Variants in ROBO1 observed in about 807,000 individuals in gnomAD.
ROBO1 encodes roundabout guidance receptor 1.
ROBO1 carries 149 observed loss-of-function variants against 195.9 expected under a neutral mutation model. The observed-to-expected ratio is 0.76, with a 90% confidence interval of 0.67 to 0.87. The LOEUF is 0.87. Among genes scored for constraint, ROBO1 ranks in the 40% least tolerant of loss-of-function variants. The pLI is 0.00. For missense variants in ROBO1, 1,933 were observed against 2,068.3 expected (o/e 0.93, Z 1.27); for synonymous variants, 816 against 733.2 (o/e 1.11, Z -1.82).
intron 2 of ROBO1, among the ~76,000 whole-genome samples, chr3:79,204,438 T>C (rs2081827761): frequency 6.6e-6 from 1 of 152,064 alleles, no homozygotes; most frequent in African/African-American, 2.4e-5. Context: ...TCTTTATTTA[T>C]CTATTCCCCA....
At chr3:78,974,594 T>C (rs2076845195) in intron 3 of ROBO1, among the ~76,000 whole-genome samples, 1 of 152,180 alleles carries the variant, frequency 6.6e-6, no homozygotes, top group Non-Finnish European at 1.5e-5. Context: ...TAGGCTACTC[T>C]TGTCACCAGC....
intron 3 of ROBO1, among the ~76,000 whole-genome samples, chr3:79,058,540 G>A (rs191667022): frequency 1.3e-5 from 2 of 152,108 alleles, no homozygotes; most frequent in East Asian, 3.9e-4. Context: ...CCCTCCCTCA[G>A]TATCAACGTA....
chr3:79,165,736 A>C (rs1377728018), intron 2 of ROBO1, among the ~76,000 whole-genome samples: 1 of 152,282 alleles, frequency 6.6e-6, no homozygotes, highest in Non-Finnish European at 1.5e-5. Context: ...CATATCACAT[A>C]ATCTATCGTG....
chr3:79,530,679 C>G (rs910791456), intron 2 of ROBO1, among the ~76,000 whole-genome samples: 2 of 151,798 alleles, frequency 1.3e-5, no homozygotes, highest in Non-Finnish European at 2.9e-5. Flanking sequence ...CTGACTTGGC[C>G]TCTACTCTAC....
chr3:79,212,121 A>G (rs2081975897), intron 2 of ROBO1, among the ~76,000 whole-genome samples: 1 of 152,214 alleles, frequency 6.6e-6, no homozygotes, highest in Non-Finnish European at 1.5e-5. Flanking sequence ...GCCTTTAAGC[A>G]GTTTTCCCGC....
At chr3:78,817,259 A>T (rs1304758475) in intron 4 of ROBO1, among the ~76,000 whole-genome samples, 1 of 152,194 alleles carries the variant, frequency 6.6e-6, no homozygotes, top group Admixed American at 6.5e-5. Flanking sequence ...TCAAGACAAG[A>T]CTGTCTACCA....
chr3:79,559,511 G>A (rs1942829076), intron 2 of ROBO1, among the ~76,000 whole-genome samples: 1 of 152,162 alleles, frequency 6.6e-6, no homozygotes, highest in African/African-American at 2.4e-5. Flanking sequence ...CTCAGAGGTG[G>A]AAACACTTGT....
At chr3:78,781,072 C>T (rs1483372209) in intron 4 of ROBO1, among the ~76,000 whole-genome samples, 3 of 152,054 alleles carry the variant, frequency 2.0e-5, no homozygotes, top group Non-Finnish European at 4.4e-5. Flanking sequence ...TAGTTGAACC[C>T]TAAATACAAA....
chr3:78,636,179 A>G (rs1705488341), intron 22 of ROBO1, 71 bp from the exon 23 acceptor site: 2 of 1,100,428 alleles, frequency 1.8e-6, no homozygotes, highest in Non-Finnish European at 2.6e-6. Context: ...CTTTTTACGT[A>G]GCTTTGCGAG....
At chr3:79,536,557 A>C (rs2107628098) in intron 2 of ROBO1, among the ~76,000 whole-genome samples, 1 of 152,318 alleles carries the variant, frequency 6.6e-6, no homozygotes, top group Non-Finnish European at 1.5e-5. Context: ...GATTGCACAC[A>C]GATGTTTAGA....
intron 1 of ROBO1, among the ~76,000 whole-genome samples, chr3:79,710,612 GCATAATAATGT>G (rs999676835): frequency 6.6e-6 from 1 of 152,132 alleles, no homozygotes; most frequent in African/African-American, 2.4e-5. Flanking sequence ...GTTTGAGACA[GCATAATAATGT>G]GCAAGGCAAT....
At chr3:79,433,141 T>A (rs2038747411) in intron 2 of ROBO1, among the ~76,000 whole-genome samples, 1 of 152,098 alleles carries the variant, frequency 6.6e-6, no homozygotes, top group Admixed American at 6.6e-5. Flanking sequence ...AAGGCCAGTA[T>A]CTATTAGCTA....
chr3:79,327,852 C>T (rs1210443830), intron 2 of ROBO1, among the ~76,000 whole-genome samples: 1 of 152,044 alleles, frequency 6.6e-6, no homozygotes, highest in Non-Finnish European at 1.5e-5. Flanking sequence ...TGCTTGTCAA[C>T]AATGCAATAA....
At chr3:79,666,831 T>C (rs1037411469) in intron 1 of ROBO1, among the ~76,000 whole-genome samples, 1 of 151,968 alleles carries the variant, frequency 6.6e-6, no homozygotes, top group Non-Finnish European at 1.5e-5. Flanking sequence ...ATTCAAAATC[T>C]GACTTTAAAG....
chr3:79,073,672 A>G (rs1017799935), intron 3 of ROBO1, among the ~76,000 whole-genome samples: 1 of 151,894 alleles, frequency 6.6e-6, no homozygotes, highest in Non-Finnish European at 1.5e-5. Context: ...AGAGAGCTCA[A>G]TAAAAGATGG....
At chr3:79,579,368 T>A (rs1943589150) in intron 2 of ROBO1, among the ~76,000 whole-genome samples, 2 of 152,148 alleles carry the variant, frequency 1.3e-5, no homozygotes, top group Non-Finnish European at 2.9e-5. Context: ...GACTTACAGG[T>A]TCTTGTGAAG....
chr3:79,711,675 G>A (rs1381750946), intron 1 of ROBO1, among the ~76,000 whole-genome samples: 1 of 151,690 alleles, frequency 6.6e-6, no homozygotes. Flanking sequence ...CACACACGCA[G>A]GCATGCCTTG....
chr3:78,598,939 A>G lies in ROBO1; in HGVS notation c.4942-12T>C. Reference sequence around the variant, plus strand: ...CAGCTTTCAGTTTCCTGTAAGAGATACGTTATTGTCACATTTGAAAATAAA... The same window carrying G: ...CAGCTTTCAGTTTCCTGTAAGAGATGCGTTATTGTCACATTTGAAAATAAA... On this transcript the variant is annotated splice_polypyrimidine_tract_variant and intron_variant, in intron 30 of 30. Transcript: ENST00000464233. The G allele has an allele frequency of 6.5e-7, 1 of 1,543,914 alleles. No individual in the cohort carries two copies. Among genetic ancestry groups the G allele is most frequent in the South Asian group, 1.2e-5 (1 of 82,836 alleles).
intron 4 of ROBO1, among the ~76,000 whole-genome samples, chr3:78,867,574 C>G (rs1276161409): frequency 6.6e-6 from 1 of 152,152 alleles, no homozygotes; most frequent in Non-Finnish European, 1.5e-5. Flanking sequence ...GCAGTAGAGT[C>G]TTTAAGGGAT....
Sources: allele counts gnomAD v4.1 joint callset (sites outside exome capture counted in the v4.1 genomes callset), GRCh38; gene constraint gnomAD v4.1.1; transcripts MANE v1.5; gene names NCBI Gene and HGNC (gene_info 2026-07-23, HGNC 2026-07-21).